TSPAN9: variants seen among roughly 807,000 people sequenced by gnomAD.
TSPAN9 encodes the protein tetraspanin-9.
A neutral mutation model predicts 31.0 loss-of-function variants in TSPAN9; 16 were observed. The observed-to-expected ratio is 0.52, with a 90% CI of 0.35 to 0.78. The LOEUF (loss-of-function observed/expected upper bound fraction) is 0.78. Among genes scored for constraint, TSPAN9 ranks in the 30% least tolerant of loss-of-function variants. TSPAN9 has a pLI of 0.01. For synonymous variants in TSPAN9, 145 were observed against 121.6 expected (o/e 1.19, Z -1.27); for missense variants, 272 against 312.5 (o/e 0.87, Z 0.98).
chr12:3,268,300 G>C (rs1183822961), intron 3 of TSPAN9, among the ~76,000 whole-genome samples: 1 of 134,842 alleles, frequency 7.4e-6, no homozygotes, highest in Non-Finnish European at 1.6e-5. Context: ...TGCCCCCTCT[G>C]TGTTCCTGCA....
intron 2 of TSPAN9, among the ~76,000 whole-genome samples, chr12:3,199,089 C>A (rs548833564): frequency 1.3e-5 from 2 of 152,212 alleles, no homozygotes; most frequent in Non-Finnish European, 2.9e-5. Flanking sequence ...CTTCTCATAT[C>A]TGTTTCTTCG....
At position 3,143,712 on chromosome 12, in the gene TSPAN9, C is replaced by T. The variant is rs941413819; in HGVS notation, c.-17-57465C>T. On this transcript the variant is annotated intron_variant, in intron 2 of 8. Transcript: ENST00000011898. The surrounding 1 kb of genome is among the most constrained non-coding windows in gnomAD (Gnocchi z 4.2). ...TTGTTCAACTTGCTGCAGCCTTGGC[C>T]ATGGGAAGCTCTAGGGAGCACTTTC... Among the ~76,000 whole-genome samples, 1 of 152,208 alleles carries T rather than the reference C, an allele frequency of 6.6e-6. No homozygotes were observed. The highest frequency in any genetic ancestry group is 2.1e-4 in the South Asian group (1 of 4,834).
At chr12:3,272,499 T>G (rs3782764) in intron 3 of TSPAN9, among the ~76,000 whole-genome samples, 59,631 of 145,990 alleles carry the variant, frequency 0.41, 13,067 homozygotes, top group South Asian at 0.6. Flanking sequence ...GCATGTGTGT[T>G]TTTTTTTTTT....
chr12:3,120,456 C>T (rs1283215851), intron 2 of TSPAN9, among the ~76,000 whole-genome samples: 1 of 152,194 alleles, frequency 6.6e-6, no homozygotes, highest in African/African-American at 2.4e-5. Flanking sequence ...CTCCCCACTC[C>T]TGTGCCAGCC....
chr12:3,201,401 C>T, intron 3 of TSPAN9, 145 bp downstream of exon 3: 4 of 723,340 alleles, frequency 5.5e-6, no homozygotes, highest in Non-Finnish European at 9.1e-6. Flanking sequence ...ATTGCCCCCG[C>T]CCCCCTTTCA....
intron 3 of TSPAN9, among the ~76,000 whole-genome samples, chr12:3,269,530 G>C (rs1245167979): frequency 7.7e-4 from 72 of 93,878 alleles, no homozygotes; most frequent in East Asian, 6.5e-4. Context: ...CCTGCCCTCC[G>C]TGCGTTCCTG....
intron 3 of TSPAN9, among the ~76,000 whole-genome samples, chr12:3,221,313 T>C (rs1316250808): frequency 6.6e-6 from 1 of 152,178 alleles, no homozygotes; most frequent in Non-Finnish European, 1.5e-5. Context: ...TTACAACAGT[T>C]TATTTTCCAT....
chr12:3,102,515 AGCTCCG>A (rs1212659786), intron 2 of TSPAN9, among the ~76,000 whole-genome samples: 1 of 150,106 alleles, frequency 6.7e-6, no homozygotes, highest in Non-Finnish European at 1.5e-5. Context: ...GCTCACTACA[AGCTCCG>A]CCTCCCACCA....
At chr12:3,133,388 AT>A (rs35623236) in intron 2 of TSPAN9, among the ~76,000 whole-genome samples, 1 of 151,256 alleles carries the variant, frequency 6.6e-6, no homozygotes, top group African/African-American at 2.4e-5. Flanking sequence ...TTATTATATA[AT>A]TTTTTTTTGC....
Position 3,147,763 on chromosome 12 carries a change from C to T in TSPAN9, c.-17-53414C>T, listed in dbSNP as rs191325987. 5.3e-5 allele frequency among the ~76,000 whole-genome samples: 8 copies of T among 152,274 alleles called. No individual in the cohort carries two copies. Among genetic ancestry groups the T allele is most frequent in the African/African-American group, 1.2e-4 (5 of 41,544 alleles). On this transcript the variant is annotated intron_variant, in intron 2 of 8. Transcript: ENST00000011898. This position sits in a 1 kb window ranked among gnomAD's most constrained non-coding sequence, Gnocchi z 4.3. ...TGTTGCTAGTGGCTGCCACGTCGGA[C>T]GGTACTGTTCTAGACCAGTAGTTTT...
chr12:3,125,922 G>GC lies in TSPAN9; in HGVS notation c.-18+42204dup, dbSNP rs547750316. Among the ~76,000 whole-genome samples the GC allele has an allele frequency of 1.6e-3, 236 of 152,230 alleles. 2 individuals carry two copies. The highest frequency in any genetic ancestry group is 3.7e-3 in the South Asian group (18 of 4,818). ...TCAGCACATCGCCTGGCATTTGAGGGCTCAAAACCTGTTGTTTGGATGAAT... is the reference window on the plus strand; with the variant it reads ...TCAGCACATCGCCTGGCATTTGAGGGCCTCAAAACCTGTTGTTTGGATGAAT... On this transcript the variant is annotated intron_variant, in intron 2 of 8. Transcript: ENST00000011898.
intron 3 of TSPAN9, among the ~76,000 whole-genome samples, chr12:3,205,258 T>G (rs1373035264): frequency 6.6e-6 from 1 of 152,266 alleles, no homozygotes; most frequent in Non-Finnish European, 1.5e-5. Context: ...GAAAGCCTAT[T>G]CCTTGTGGAT....
Position 3,148,553 on chromosome 12 carries a change from G to T in TSPAN9, c.-17-52624G>T, listed in dbSNP as rs753372241. Among the ~76,000 whole-genome samples the T allele has an allele frequency of 3.3e-5, 5 of 152,210 alleles. No individual in the cohort carries two copies. The South Asian group carries it at 1.0e-3, about 32-fold the overall frequency. ...AACGTGGGCAGGGAGCGTGGCCGTG[G>T]TTGTGTGGGGCTGTCTGCTCCAGGG... On this transcript the variant is annotated intron_variant, in intron 2 of 8. Coordinates refer to ENST00000011898, the MANE Select transcript of TSPAN9 (RefSeq NM_006675.5).
rs556076336 is a variant in TSPAN9 at position 3,085,291 on chromosome 12, G to A, written c.-18+1572G>A. Among the ~76,000 whole-genome samples, 13 of 151,978 alleles carry A rather than the reference G, an allele frequency of 8.6e-5. 1 individual carries two copies. In the South Asian group the frequency reaches 1.7e-3, roughly 19 times the overall value. On this transcript the variant is annotated intron_variant, in intron 2 of 8. Coordinates refer to ENST00000011898, the MANE Select transcript of TSPAN9 (RefSeq NM_006675.5). ...CTGTGCGGCATGTCCCCCACATCCC[G>A]TGGGGCCTGTTCCTGGTGGGCCCTG...
chr12:3,226,147 G>A (rs905089597), intron 3 of TSPAN9, among the ~76,000 whole-genome samples: 4 of 152,068 alleles, frequency 2.6e-5, no homozygotes, highest in Admixed American at 2.0e-4. Context: ...AGTGCAGAGG[G>A]AGGAGATGGG....
chr12:3,108,358 G>A (rs776465183), intron 2 of TSPAN9, among the ~76,000 whole-genome samples: 17 of 152,168 alleles, frequency 1.1e-4, no homozygotes, highest in Non-Finnish European at 1.8e-4. Context: ...CCAGCCCCCC[G>A]TCCTGTGCAA....
chr12:3,090,845 C>A (rs2098304111), intron 2 of TSPAN9, among the ~76,000 whole-genome samples: 1 of 152,228 alleles, frequency 6.6e-6, no homozygotes, highest in South Asian at 2.1e-4. Flanking sequence ...ATAGTGCAGA[C>A]CCCTTCTCCT....
chr12:3,248,654 A>G (rs984257506), intron 3 of TSPAN9, among the ~76,000 whole-genome samples: 8 of 148,254 alleles, frequency 5.4e-5, no homozygotes, highest in Non-Finnish European at 8.9e-5. Flanking sequence ...TTTTTTTTGG[A>G]GGATAAAATT....
intron 2 of TSPAN9, among the ~76,000 whole-genome samples, chr12:3,096,567 C>A (rs908629940): frequency 6.6e-6 from 1 of 152,036 alleles, no homozygotes; most frequent in Non-Finnish European, 1.5e-5. Flanking sequence ...CACTTGTGAT[C>A]TAAGAGATGT....
Sources: gnomAD v4.1 joint callset for allele counts (sites outside exome capture counted in the v4.1 genomes callset) on GRCh38, gnomAD v4.1.1 for gene constraint, Gnocchi (gnomAD v3.1) non-coding constraint, MANE v1.5 for transcripts, NCBI Gene and HGNC (gene_info 2026-07-23, HGNC 2026-07-21) for gene names.